Variants in C11orf65 observed in about 807,000 individuals in gnomAD.
C11orf65 encodes chromosome 11 open reading frame 65.
A neutral mutation model predicts 35.3 loss-of-function variants in C11orf65; 38 were observed. That is an observed-to-expected ratio of 1.08 (90% CI 0.83 to 1.41). The LOEUF (loss-of-function observed/expected upper bound fraction) is 1.41, where lower values mean the gene tolerates loss of function less well. Ranked by LOEUF, C11orf65 falls within the 40% of genes most tolerant of loss-of-function variation. The pLI, the probability that C11orf65 is intolerant of heterozygous loss-of-function variation, is 0.00. For synonymous variants in C11orf65, 105 were observed against 114.4 expected, an observed-to-expected ratio of 0.92 and a Z score of 0.53; for missense variants, 370 against 367.1, an observed-to-expected ratio of 1.01 and a Z score of -0.06.
In C11orf65 at chr11:108,451,945, T is replaced by C. The variant is rs374720556; in HGVS notation, c.81+9534A>G. On this transcript the variant is annotated intron_variant, in intron 2 of 8. Coordinates refer to ENST00000393084, the MANE Select transcript of C11orf65 (RefSeq NM_152587.5). ...TAATAAATGGTGCTGGGAAAACTGG[T>C]TAGCCATAGGTAGAAAGCTGAAACT... 4.3e-4 allele frequency among the ~76,000 whole-genome samples: 66 copies of C among 152,250 alleles called. 1 individual carries two copies. The South Asian group carries it at 4.8e-3, about 11-fold the overall frequency.
chr11:108,321,346 G>A lies in C11orf65; in HGVS notation c.641-12275C>T, dbSNP rs746514937. 28 of 1,614,052 alleles carry A rather than the reference G, an allele frequency of 1.7e-5. No homozygotes were observed. The South Asian group carries it at 2.7e-4, about 16-fold the overall frequency. On this transcript the variant is annotated intron_variant, in intron 6 of 6. Coordinates refer to the C11orf65 transcript ENST00000525729. ...TGTGTAAGCGCAGCCTTGAGTCTGT[G>A]TATTCGCTCTATCCCACACTTAGCA...
chr11:108,333,101 C>T (rs1444914678), intron 3 of C11orf65, among the ~76,000 whole-genome samples: 2 of 152,116 alleles, frequency 1.3e-5, no homozygotes, highest in Non-Finnish European at 2.9e-5. Flanking sequence ...TAGGTGACTA[C>T]ACTAAATTAA....
At position 108,343,322 on chromosome 11, in the gene C11orf65, GATAC is replaced by G. The variant is rs1064793046; in HGVS notation, c.227-8034_227-8031del. The G allele has an allele frequency of 6.2e-7, 1 of 1,614,010 alleles. No individual in the cohort carries two copies. The highest frequency in any genetic ancestry group is 8.5e-7 in the Non-Finnish European group (1 of 1,179,924). On this transcript the variant is annotated intron_variant, in intron 2 of 3. Coordinates refer to the C11orf65 transcript ENST00000524755. ...AACAATGAAGATGGTGCTCATAAAA[GATAC>G]AGGCCAAATGATTTCAGTGCCTTTC...
At chr11:108,429,881 A>C (rs561098692) in intron 3 of C11orf65, among the ~76,000 whole-genome samples, 29 of 152,310 alleles carry the variant, frequency 1.9e-4, no homozygotes, top group African/African-American at 6.7e-4. Context: ...TAAGTGACAT[A>C]AGCCAATCAC....
intron 2 of C11orf65, among the ~76,000 whole-genome samples, chr11:108,432,752 A>G (rs2093007166): frequency 6.6e-6 from 1 of 152,228 alleles, no homozygotes; most frequent in East Asian, 1.9e-4. Flanking sequence ...CTATACTAAT[A>G]GTATTCTTTC....
chr11:108,355,160 G>T, intron 2 of C11orf65: 1 of 390,496 alleles, frequency 2.6e-6, no homozygotes, highest in Non-Finnish European at 4.7e-6. Context: ...ATTCCATATG[G>T]TATTATTATT....
chr11:108,320,251 T>C (rs2085106413), intron 6 of C11orf65, among the ~76,000 whole-genome samples: 1 of 152,240 alleles, frequency 6.6e-6, no homozygotes, highest in African/African-American at 2.4e-5. Flanking sequence ...TCCAGGTTCA[T>C]TCTTTACCCT....
chr11:108,424,604 G>C (rs995948397), intron 3 of C11orf65, among the ~76,000 whole-genome samples: 1 of 152,082 alleles, frequency 6.6e-6, no homozygotes, highest in Non-Finnish European at 1.5e-5. Context: ...ACAGATCAAC[G>C]AGACAGAAAA....
chr11:108,441,401 C>T (rs2093152030), intron 2 of C11orf65, among the ~76,000 whole-genome samples: 1 of 152,218 alleles, frequency 6.6e-6, no homozygotes, highest in African/African-American at 2.4e-5. Flanking sequence ...GGGGGCAGGG[C>T]ATAGCTGAAC....
intron 2 of C11orf65, among the ~76,000 whole-genome samples, chr11:108,441,983 T>C (rs1025216016): frequency 6.6e-6 from 1 of 152,072 alleles, no homozygotes; most frequent in Non-Finnish European, 1.5e-5. Flanking sequence ...CTTTGATGAG[T>C]TGAGAGAAGA....
At chr11:108,467,169 GATCTGTGAAGGCGCAGT>G (rs2093550781) in intron 1 of C11orf65, among the ~76,000 whole-genome samples, 1 of 152,140 alleles carries the variant, frequency 6.6e-6, no homozygotes, top group South Asian at 2.1e-4. Flanking sequence ...GGGGTGTGGG[GATCTGTGAAGGCGCAGT>G]ATGAGCAGTA....
intron 3 of C11orf65, among the ~76,000 whole-genome samples, chr11:108,429,003 T>C (rs2092948278): frequency 6.6e-6 from 1 of 151,926 alleles, no homozygotes; most frequent in Non-Finnish European, 1.5e-5. Context: ...AAAAATTAGC[T>C]GGGCATGGTG....
intron 3 of C11orf65, among the ~76,000 whole-genome samples, chr11:108,418,266 A>T (rs1000406425): frequency 1.3e-5 from 2 of 152,144 alleles, no homozygotes; most frequent in African/African-American, 4.8e-5. Flanking sequence ...CCTAATTGAC[A>T]TCTATGCAAT....
intron 6 of C11orf65, among the ~76,000 whole-genome samples, chr11:108,396,582 AAC>A (rs1187195873): frequency 6.6e-6 from 1 of 151,938 alleles, no homozygotes; most frequent in Non-Finnish European, 1.5e-5. Flanking sequence ...CTGTAATCCC[AAC>A]ACTTTGGGAG....
chr11:108,334,049 T>C, intron 3 of C11orf65: 1 of 1,132,174 alleles, frequency 8.8e-7, no homozygotes, highest in Non-Finnish European at 1.3e-6. Context: ...TATTTTTATG[T>C]AGGTCAAAAT....
intron 2 of C11orf65, among the ~76,000 whole-genome samples, chr11:108,459,247 A>AT (rs200162315): frequency 0.016 from 2,497 of 151,458 alleles, 22 homozygotes; most frequent in Middle Eastern, 0.027. Flanking sequence ...TTCATTTTTC[A>AT]TTTTTTTTTA....
intron 2 of C11orf65, among the ~76,000 whole-genome samples, chr11:108,372,075 G>A (rs1292066467): frequency 1.3e-5 from 2 of 152,188 alleles, no homozygotes; most frequent in East Asian, 3.8e-4. Flanking sequence ...CTTGTTAGGA[G>A]ATCGTAACGT....
downstream of C11orf65, among the ~76,000 whole-genome samples, chr11:108,380,344 T>C (rs1249648103): frequency 6.6e-6 from 1 of 152,236 alleles, no homozygotes; most frequent in Non-Finnish European, 1.5e-5. Context: ...ACATGGATTC[T>C]TGGGCAGTGG....
At chr11:108,328,000 C>T (rs1844878829), downstream of C11orf65, among the ~76,000 whole-genome samples, 1 of 152,154 alleles carries the variant, frequency 6.6e-6, no homozygotes, top group Admixed American at 6.5e-5. Flanking sequence ...CCTCCACTAC[C>T]AGCTACCCTT....
Sources: gnomAD v4.1 joint callset for allele counts (sites outside exome capture counted in the v4.1 genomes callset) on GRCh38, gnomAD v4.1.1 for gene constraint, MANE v1.5 for transcripts, NCBI Gene and HGNC (gene_info 2026-07-23, HGNC 2026-07-21) for gene names.